The following GLI3 variants were observed in gnomAD, a reference collection of about 807,000 sequenced individuals.
GLI3 encodes the protein transcription activator GLI3.
Under a neutral mutation model 100.8 loss-of-function variants are expected in GLI3, and 20 were observed. The observed-to-expected ratio is 0.20, with a 90% CI of 0.14 to 0.29. The LOEUF is 0.29. Among genes scored for constraint, GLI3 ranks in the 10% least tolerant of loss-of-function variants. The pLI, the probability that GLI3 is intolerant of heterozygous loss-of-function variation, is 1.00. For synonymous variants in GLI3, 938 were observed against 860.5 expected (o/e 1.09, Z -1.58); for missense variants, 2,040 against 2,128.5 (o/e 0.96, Z 0.82).
At chr7:42,047,030 C>T (rs1784259942) in intron 5 of GLI3, among the ~76,000 whole-genome samples, 1 of 151,986 alleles carries the variant, frequency 6.6e-6, no homozygotes, top group Non-Finnish European at 1.5e-5. Flanking sequence ...GTGGTGCACA[C>T]CAGTGGTCCC....
chr7:42,146,156 A>T (rs1455743799), intron 3 of GLI3, among the ~76,000 whole-genome samples: 1 of 152,356 alleles, frequency 6.6e-6, no homozygotes, highest in Admixed American at 6.5e-5. Context: ...ACAGTTTATA[A>T]GTTATCACAT....
Position 41,964,731 on chromosome 7 carries a change from C to T in GLI3, c.4342G>A (p.Val1448Met), listed in dbSNP as rs778526954. The stretch of plus-strand genomic sequence containing the variant: ...TTCGTGTCTTGCTGACTGAAGCCCA[C>T]GGTTTGGTCATAGAACTGACCAGAG... Reference protein sequence around the residue: ...NYSGQFYDQTVGFSQQDTKAG... With the variant: ...NYSGQFYDQTMGFSQQDTKAG... The change falls in exon 15 of 15, where the codon GTG becomes ATG. Residue 1448 changes from valine to methionine, a missense_variant. Physicochemically the swap from Val to Met is conservative, Grantham distance 21 (BLOSUM62 1). Transcript: ENST00000395925. 26 of 1,613,888 alleles carry T rather than the reference C, an allele frequency of 1.6e-5. No individual in the cohort carries two copies. Among genetic ancestry groups the T allele is most frequent in the Middle Eastern group, 1.6e-4 (1 of 6,084 alleles).
intron 10 of GLI3, among the ~76,000 whole-genome samples, chr7:41,989,365 T>G (rs1787921641): frequency 6.6e-6 from 1 of 152,198 alleles, no homozygotes; most frequent in Admixed American, 6.5e-5. Context: ...GGTTTCTGAT[T>G]TGAGCTCTAG....
At chr7:41,975,966 T>C (rs549697360) in intron 12 of GLI3, among the ~76,000 whole-genome samples, 1 of 152,310 alleles carries the variant, frequency 6.6e-6, no homozygotes, top group Non-Finnish European at 1.5e-5. Context: ...GCCATAAAAA[T>C]AATCCCTTTA....
intron 1 of GLI3, among the ~76,000 whole-genome samples, chr7:42,236,303 C>T (rs1235166660): frequency 1.3e-5 from 2 of 152,108 alleles, no homozygotes; most frequent in Non-Finnish European, 1.5e-5. Context: ...GCATGGACCA[C>T]GGTTACTTTG....
rs559360786 is a variant in GLI3 at position 41,988,699 on chromosome 7, C to A, written c.1498-9951G>T. ...TTCCAGAACAGTGAGAAATCAACTT[C>A]TCTTATTTATAAATTACCCAGTGTT... is the stretch of plus-strand genomic sequence containing the variant. On this transcript the variant is annotated intron_variant, in intron 10 of 14. Coordinates refer to ENST00000395925, the MANE Select transcript of GLI3 (RefSeq NM_000168.6). Among the ~76,000 whole-genome samples, 14 of 152,294 alleles carry A rather than the reference C, an allele frequency of 9.2e-5. No homozygotes were observed. In the South Asian group the frequency reaches 1.7e-3, roughly 18 times the overall value.
At chr7:42,099,421 A>T (rs1785411017) in intron 3 of GLI3, among the ~76,000 whole-genome samples, 1 of 152,242 alleles carries the variant, frequency 6.6e-6, no homozygotes, top group South Asian at 2.1e-4. Context: ...AGCATACTTA[A>T]CAGGCTTTTT....
intron 3 of GLI3, among the ~76,000 whole-genome samples, chr7:42,092,511 A>T (rs948824266): frequency 2.6e-5 from 4 of 152,068 alleles, no homozygotes; most frequent in African/African-American, 9.7e-5. Flanking sequence ...CACTGAAAAC[A>T]CTGTGGGGGC....
chr7:41,972,012 C>G lies in GLI3; in HGVS notation c.2103+325G>C, dbSNP rs1181318795. Among the ~76,000 whole-genome samples the G allele has an allele frequency of 6.6e-6, 1 of 152,202 alleles. No homozygotes were observed. The highest frequency in any genetic ancestry group is 1.5e-5 in the Non-Finnish European group (1 of 68,040). ...CTTGGGGTCACCAGGGCAAAGAAGACAGAAAGCATGTTTACAGGAAGAGTC... is the reference window on the plus strand; with the variant it reads ...CTTGGGGTCACCAGGGCAAAGAAGAGAGAAAGCATGTTTACAGGAAGAGTC... On this transcript the variant is annotated intron_variant, in intron 13 of 14. Transcript: ENST00000395925. The surrounding 1 kb of genome is among the most constrained non-coding windows in gnomAD (Gnocchi z 4.4).
At chr7:42,254,956 G>C (rs1789070144) in intron 1 of GLI3, among the ~76,000 whole-genome samples, 1 of 151,788 alleles carries the variant, frequency 6.6e-6, no homozygotes, top group African/African-American at 2.4e-5. Flanking sequence ...ATGAAACCTA[G>C]ATCCTGGGTT....
rs141734139 is a variant in GLI3 at position 42,253,493 on chromosome 7, C to G, written c.-43+10501G>C. ...GCCTGAGGCTACCAGCTTGGCTGCC[C>G]CAGGGCTGAACGAATCAATTTCTGA... On this transcript the variant is annotated intron_variant, in intron 1 of 2. Coordinates refer to the GLI3 transcript ENST00000678978. Among the ~76,000 whole-genome samples, 27 of 152,322 alleles carry G rather than the reference C, an allele frequency of 1.8e-4. No individual in the cohort carries two copies. In the East Asian group the frequency reaches 4.8e-3, roughly 27 times the overall value.
chr7:42,039,579 G>A (rs1454900073), intron 7 of GLI3, among the ~76,000 whole-genome samples: 29 of 152,164 alleles, frequency 1.9e-4, no homozygotes, highest in Admixed American at 1.9e-3. Context: ...AAGTCCTGCT[G>A]TTTCTCTCTC....
intron 2 of GLI3, among the ~76,000 whole-genome samples, chr7:42,182,561 C>A (rs1787613903): frequency 6.7e-6 from 1 of 148,166 alleles, no homozygotes; most frequent in African/African-American, 2.5e-5. Context: ...AAGCTTATTA[C>A]CAACTTTCCA....
intron 4 of GLI3, among the ~76,000 whole-genome samples, chr7:42,060,621 T>G (rs1266257481): frequency 6.6e-6 from 1 of 152,222 alleles, no homozygotes; most frequent in Non-Finnish European, 1.5e-5. Flanking sequence ...AATCCTATTT[T>G]CTGTAATTTG....
intron 3 of GLI3, chr7:42,145,501 C>T (rs1786680455): frequency 5.0e-6 from 2 of 398,338 alleles, no homozygotes; most frequent in South Asian, 2.6e-4. Context: ...GTTCAGAAGG[C>T]CACAGTGCAC....
At chr7:42,110,665 T>C (rs1376851791) in intron 3 of GLI3, among the ~76,000 whole-genome samples, 2 of 152,246 alleles carry the variant, frequency 1.3e-5, no homozygotes, top group East Asian at 3.8e-4. Context: ...GCAATTATCT[T>C]AAGCTGTTTT....
intron 1 of GLI3, among the ~76,000 whole-genome samples, chr7:42,236,012 G>C (rs2128707267): frequency 6.6e-6 from 1 of 152,028 alleles, no homozygotes; most frequent in Non-Finnish European, 1.5e-5. Flanking sequence ...CGCGGGGTCA[G>C]GCAGGGAAGC....
intron 10 of GLI3, among the ~76,000 whole-genome samples, chr7:41,979,450 G>A (rs946122399): frequency 6.6e-6 from 1 of 152,180 alleles, no homozygotes; most frequent in African/African-American, 2.4e-5. Context: ...GGACTTTCTA[G>A]CTCTAAAATT....
chr7:41,976,064 C>CA (rs1562665870), intron 12 of GLI3, among the ~76,000 whole-genome samples: 3 of 152,064 alleles, frequency 2.0e-5, no homozygotes, highest in Non-Finnish European at 2.9e-5. Context: ...ACCACCCCAA[C>CA]AAAAAAACCT....
Sources: allele counts gnomAD v4.1 joint callset (sites outside exome capture counted in the v4.1 genomes callset), GRCh38; gene constraint gnomAD v4.1.1; non-coding constraint Gnocchi (gnomAD v3.1); transcripts MANE v1.5; gene names NCBI Gene and HGNC (gene_info 2026-07-23, HGNC 2026-07-21).